Variants in OTOGL observed in about 807,000 individuals in gnomAD.
OTOGL encodes otogelin like.
A neutral mutation model predicts 318.5 loss-of-function variants in OTOGL; 285 were observed. The observed-to-expected ratio is 0.89, with a 90% confidence interval of 0.81 to 0.99. OTOGL has a LOEUF of 0.99. Among genes scored for constraint, OTOGL ranks in the 50% least tolerant of loss-of-function variants. OTOGL has a pLI of 0.00. For missense variants in OTOGL, 2,899 were observed against 2,845.6 expected, an observed-to-expected ratio of 1.02 and a Z score of -0.43; for synonymous variants, 987 against 936.5, an observed-to-expected ratio of 1.05 and a Z score of -0.99.
intron 1 of OTOGL, chr12:80,132,767 G>C (rs1239584947): frequency 6.6e-6 from 1 of 152,116 alleles, no homozygotes; most frequent in African/African-American, 2.4e-5. Context: ...GATCACTTGG[G>C]CCACAACACT....
At chr12:80,341,262 C>T (rs1405478770) in intron 43 of OTOGL, among the ~76,000 whole-genome samples, 1 of 152,138 alleles carries the variant, frequency 6.6e-6, no homozygotes. Flanking sequence ...CAGGTCAAGG[C>T]ATCCCAAGGA....
chr12:80,146,206 G>A (rs1872344508), intron 1 of OTOGL, among the ~76,000 whole-genome samples: 1 of 147,156 alleles, frequency 6.8e-6, no homozygotes, highest in Admixed American at 6.6e-5. Context: ...GTCATAGATA[G>A]CTCTTATTAT....
intron 22 of OTOGL, among the ~76,000 whole-genome samples, chr12:80,268,661 C>T (rs1298646013): frequency 6.6e-6 from 1 of 152,102 alleles, no homozygotes; most frequent in East Asian, 1.9e-4. Context: ...TTTCCTCTTG[C>T]TCAAAACACC....
At chr12:80,253,444 A>G in intron 13 of OTOGL, 22 bp from the exon 14 acceptor site, 3 of 1,553,584 alleles carry the variant, frequency 1.9e-6, no homozygotes, top group Non-Finnish European at 2.7e-6. Context: ...TGAAATTTTG[A>G]TGTGTATTTC....
At chr12:80,315,399 C>A (rs1184450713) in intron 32 of OTOGL, among the ~76,000 whole-genome samples, 1 of 152,158 alleles carries the variant, frequency 6.6e-6, no homozygotes, top group Non-Finnish European at 1.5e-5. Context: ...CTGTCTAAAA[C>A]TAAGGTATAG....
At position 80,333,207 on chromosome 12, in the gene OTOGL, A is replaced by G. The variant is rs540784170; in HGVS notation, c.4422+129A>G. On this transcript the variant is annotated intron_variant, in intron 38 of 58. Coordinates refer to ENST00000547103, the MANE Select transcript of OTOGL (RefSeq NM_001378609.3). ...CTCTAGTCTAGCCTTGCTAAAAGATATTAAGAAATATGCATTTCATTGGAA... is the reference window on the plus strand; with the variant it reads ...CTCTAGTCTAGCCTTGCTAAAAGATGTTAAGAAATATGCATTTCATTGGAA... 21 of 702,454 alleles carry G rather than the reference A, an allele frequency of 3.0e-5. No homozygotes were observed. In the South Asian group the frequency reaches 3.8e-4, roughly 13 times the overall value. 43.5% of individuals were successfully genotyped at this position (702,454 alleles called of 1,614,324 possible).
intron 11 of OTOGL, among the ~76,000 whole-genome samples, chr12:80,243,617 C>G (rs1397571389): frequency 6.6e-6 from 1 of 151,380 alleles, no homozygotes; most frequent in African/African-American, 2.4e-5. Flanking sequence ...AATTCTGACA[C>G]TCTGATATTG....
intron 26 of OTOGL, among the ~76,000 whole-genome samples, chr12:80,296,615 G>T (rs1329778913): frequency 1.3e-5 from 2 of 152,076 alleles, no homozygotes; most frequent in African/African-American, 4.8e-5. Context: ...AATTTTAACA[G>T]ATATTATAGG....
At chr12:80,325,765 G>A (rs1027531704) in intron 35 of OTOGL, among the ~76,000 whole-genome samples, 2 of 152,184 alleles carry the variant, frequency 1.3e-5, no homozygotes, top group Admixed American at 6.5e-5. Flanking sequence ...TAAGCAATGC[G>A]AAGGGCATGT....
chr12:80,185,336 G>A lies in OTOGL; in HGVS notation c.-19-24077G>A, dbSNP rs138300780. ...CTCCCTCTGTTGCCCAGTCTGGAGT[G>A]CAGTGGTGCAATCTTGGCTCACTGC... On this transcript the variant is annotated intron_variant, in intron 1 of 58. Coordinates refer to ENST00000547103, the MANE Select transcript of OTOGL (RefSeq NM_001378609.3). 5.6e-3 allele frequency among the ~76,000 whole-genome samples: 849 copies of A among 152,214 alleles called. 10 individuals carry two copies. Among genetic ancestry groups the A allele is most frequent in the African/African-American group, 0.019 (807 of 41,524 alleles).
rs759793215 is a variant in OTOGL, at chr12:80,370,681, T to A, written c.6727T>A (p.Cys2243Ser). 4.4e-6 allele frequency: 7 copies of A among 1,574,322 alleles called. No individual in the cohort carries two copies. The African/African-American group carries it at 5.4e-5, about 12-fold the overall frequency. ...CTGTCCCCCTTTTAATGAGACTGAA[T>A]GCAAAATGGTTTGTACTTTGTTGTA... is the stretch of plus-strand genomic sequence containing the variant. ...MVCPPFNETE[C>S]KMNEGIVKLY... The change falls in exon 56 of 59, where the codon TGC (cysteine) becomes AGC (serine). Residue 2243 changes from cysteine (C) to serine (S), a missense_variant. Around this residue, in one of 3 missense-constraint regions of OTOGL, gnomAD observed 289 missense variants for 304.6 expected, o/e 0.95. Coordinates refer to ENST00000547103, the MANE Select transcript of OTOGL (RefSeq NM_001378609.3).
intron 37 of OTOGL, among the ~76,000 whole-genome samples, chr12:80,332,694 G>A (rs1035093192): frequency 1.3e-5 from 2 of 152,102 alleles, no homozygotes; most frequent in Admixed American, 6.6e-5. Flanking sequence ...ACCTGTTCAC[G>A]CAATTGTGTT....
chr12:80,137,797 T>G (rs772489706), intron 1 of OTOGL, among the ~76,000 whole-genome samples: 22 of 152,140 alleles, frequency 1.4e-4, no homozygotes, highest in Admixed American at 1.4e-3. Flanking sequence ...ATAATTGATC[T>G]TTTAGGATGC....
chr12:80,156,629 G>A (rs999986462), intron 1 of OTOGL, among the ~76,000 whole-genome samples: 3 of 152,110 alleles, frequency 2.0e-5, no homozygotes, highest in Non-Finnish European at 4.4e-5. Context: ...AGTCTCATGA[G>A]ATCTGATCAT....
chr12:80,106,653 A>T (rs1239115873), intron 1 of OTOGL, among the ~76,000 whole-genome samples: 3 of 152,088 alleles, frequency 2.0e-5, no homozygotes, highest in Non-Finnish European at 4.4e-5. Flanking sequence ...ACAATCCTAT[A>T]TCCTTTGCCT....
At position 80,313,518 on chromosome 12, in the gene OTOGL, T is replaced by C; in HGVS notation, c.3493T>C (p.Cys1165Arg). The C allele has an allele frequency of 6.2e-7, 1 of 1,612,686 alleles. No homozygotes were observed. The highest frequency in any genetic ancestry group is 1.1e-5 in the South Asian group (1 of 91,050). The change falls in exon 31 of 59, where the codon TGT becomes CGT. Residue 1165 changes from cysteine to arginine, a missense_variant. Around this residue, in one of 3 missense-constraint regions of OTOGL, gnomAD observed 2,607 missense variants for 2,524.9 expected, o/e 1.03. Transcript: ENST00000547103. ...SFAKNCHEDTCNCNLGGDCEC... is the reference protein window; with the variant it reads ...SFAKNCHEDTRNCNLGGDCEC... Reference sequence around the variant, plus strand: ...TGCCAAAAATTGTCATGAAGATACATGTAACTGCAATCTTGGTGGCGACTG... The same window carrying C: ...TGCCAAAAATTGTCATGAAGATACACGTAACTGCAATCTTGGTGGCGACTG...
At chr12:80,211,879 C>G in intron 3 of OTOGL, 70 bp from the exon 4 acceptor site, 1 of 1,264,984 alleles carries the variant, frequency 7.9e-7, no homozygotes, top group Non-Finnish European at 1.1e-6. Flanking sequence ...CACCAGCTCT[C>G]TCTTGGGAAA....
At chr12:80,225,342 T>C (rs1878737950) in intron 7 of OTOGL, among the ~76,000 whole-genome samples, 1 of 152,126 alleles carries the variant, frequency 6.6e-6, no homozygotes, top group African/African-American at 2.4e-5. Flanking sequence ...GTCAACGAGA[T>C]AACCTGTCCT....
At chr12:80,122,277 C>T (rs1256119409) in intron 1 of OTOGL, among the ~76,000 whole-genome samples, 2 of 152,090 alleles carry the variant, frequency 1.3e-5, no homozygotes, top group African/African-American at 2.4e-5. Context: ...AATACACTGT[C>T]ACATCAAGAT....
Sources: allele counts gnomAD v4.1 joint callset (sites outside exome capture counted in the v4.1 genomes callset), GRCh38; gene constraint gnomAD v4.1.1; regional missense constraint gnomAD v4.1.1; transcripts MANE v1.5; gene names NCBI Gene and HGNC (gene_info 2026-07-23, HGNC 2026-07-21).